NXNL2: variants seen among roughly 807,000 people sequenced by gnomAD.
NXNL2 encodes the protein nucleoredoxin-like protein 2.
In NXNL2, 7 loss-of-function variants were observed where a neutral mutation model predicts 11.1. The ratio of observed to expected loss-of-function variants is 0.63; its 90% confidence interval spans 0.36 to 1.18. The LOEUF is 1.18. Among genes scored for constraint, NXNL2 ranks in the 50% most tolerant of loss-of-function variants. The pLI is 0.02. For synonymous variants in NXNL2, 109 were observed against 101.8 expected (o/e 1.07, Z -0.42); for missense variants, 233 against 217.7 (o/e 1.07, Z -0.44).
chr9:88,573,407 G>A (rs1830303218), intron 2 of NXNL2, among the ~76,000 whole-genome samples: 1 of 152,208 alleles, frequency 6.6e-6, no homozygotes, highest in South Asian at 2.1e-4. Flanking sequence ...GCCTTCCAAA[G>A]TGCTGCGATT....
At chr9:88,563,759 G>T (rs947523298) in intron 1 of NXNL2, among the ~76,000 whole-genome samples, 10 of 152,132 alleles carry the variant, frequency 6.6e-5, no homozygotes, top group Non-Finnish European at 1.5e-4. Flanking sequence ...CTTGTGGCTG[G>T]CTAGGCGTTC....
At chr9:88,547,910 G>A (rs1350772251), downstream of NXNL2, among the ~76,000 whole-genome samples, 4 of 151,536 alleles carry the variant, frequency 2.6e-5, no homozygotes, top group South Asian at 2.1e-4. Context: ...CCAGCTACCC[G>A]GGAGGCTGAG....
At chr9:88,554,355 A>G (rs1829983864) in intron 1 of NXNL2, among the ~76,000 whole-genome samples, 1 of 152,114 alleles carries the variant, frequency 6.6e-6, no homozygotes, top group African/African-American at 2.4e-5. Context: ...ATAGGCGTGC[A>G]CCACCACAGC....
downstream of NXNL2, among the ~76,000 whole-genome samples, chr9:88,546,473 C>T (rs536247252): frequency 7.0e-5 from 10 of 142,598 alleles, no homozygotes; most frequent in East Asian, 6.4e-4. Flanking sequence ...TGGAGTGCAG[C>T]GGCACCATCT....
intron 1 of NXNL2, among the ~76,000 whole-genome samples, chr9:88,583,091 C>CA (rs1187992893): frequency 1.3e-5 from 2 of 152,116 alleles, no homozygotes; most frequent in Admixed American, 6.5e-5. Context: ...GGCAGCCAGG[C>CA]AGCTAGGACA....
chr9:88,535,770 C>T (rs2118379226), intron 1 of NXNL2, 34 bp downstream of exon 1: 1 of 1,502,260 alleles, frequency 6.7e-7, no homozygotes. Context: ...GGGGGCCGCC[C>T]GGCACGTCTC....
downstream of NXNL2, among the ~76,000 whole-genome samples, chr9:88,547,009 C>T (rs368467192): frequency 4.7e-4 from 72 of 152,270 alleles, 1 homozygote; most frequent in East Asian, 0.013. Flanking sequence ...CACTTGCCAC[C>T]CTGCGTGTGG....
At chr9:88,557,560 CT>C (rs1830034511) in intron 1 of NXNL2, among the ~76,000 whole-genome samples, 1 of 152,234 alleles carries the variant, frequency 6.6e-6, no homozygotes, top group Admixed American at 6.5e-5. Flanking sequence ...AATGACTTCC[CT>C]ATACCCTGTG....
intron 1 of NXNL2, among the ~76,000 whole-genome samples, chr9:88,543,738 A>C (rs909675105): frequency 6.6e-6 from 1 of 152,224 alleles, no homozygotes; most frequent in Non-Finnish European, 1.5e-5. Flanking sequence ...TTAAAATGAA[A>C]ACTTCAGTTC....
downstream of NXNL2, among the ~76,000 whole-genome samples, chr9:88,546,063 G>A (rs189343326): frequency 7.1e-4 from 108 of 152,122 alleles, no homozygotes; most frequent in Middle Eastern, 0.014. Flanking sequence ...CACCGTGCCC[G>A]GCCTAATTAT....
At chr9:88,535,846 C>A in intron 1 of NXNL2, 110 bp downstream of exon 1, 1 of 807,894 alleles carries the variant, frequency 1.2e-6, no homozygotes, top group Non-Finnish European at 1.9e-6. Flanking sequence ...CCCCCAACAC[C>A]TCCCCGTCTC....
intron 1 of NXNL2, among the ~76,000 whole-genome samples, chr9:88,549,977 A>G (rs1829905257): frequency 6.6e-6 from 1 of 152,154 alleles, no homozygotes; most frequent in African/African-American, 2.4e-5. Context: ...GGCATGGGCC[A>G]CCACGCCTGG....
At chr9:88,549,336 A>G (rs1387579562), downstream of NXNL2, among the ~76,000 whole-genome samples, 1 of 152,184 alleles carries the variant, frequency 6.6e-6, no homozygotes, top group African/African-American at 2.4e-5. Flanking sequence ...TCTCTCCTGC[A>G]TTGAGTTTCT....
rs79127280 is a variant in NXNL2, at chr9:88,560,240, G to C, written c.303-10847G>C. ...GATGTGGATGCATCTTTCTGCCAGC[G>C]GGAGGTTCTCCCCTGAGATCCTGTC... On this transcript the variant is annotated intron_variant, in intron 1 of 2. Transcript: ENST00000375855. Among the ~76,000 whole-genome samples the C allele has an allele frequency of 2.4e-3, 360 of 151,836 alleles. 2 individuals are homozygous for C. The East Asian group carries it at 0.025, about 11-fold the overall frequency.
At chr9:88,548,496 T>C (rs1225831306), downstream of NXNL2, among the ~76,000 whole-genome samples, 2 of 147,872 alleles carry the variant, frequency 1.4e-5, no homozygotes, top group African/African-American at 5.0e-5. Flanking sequence ...ACCCTGTCTC[T>C]AAAATGGTGA....
intron 1 of NXNL2, among the ~76,000 whole-genome samples, chr9:88,550,262 G>C (rs1414796210): frequency 6.6e-6 from 1 of 152,106 alleles, no homozygotes; most frequent in Non-Finnish European, 1.5e-5. Context: ...TCCAACAATG[G>C]GAGTTACAAT....
chr9:88,576,068 A>C (rs1321147194), downstream of NXNL2, among the ~76,000 whole-genome samples: 1 of 152,092 alleles, frequency 6.6e-6, no homozygotes, highest in Non-Finnish European at 1.5e-5. Flanking sequence ...GGTGGTGGGC[A>C]CCTGTAATCC....
chr9:88,576,045 A>T (rs1464472339), downstream of NXNL2, among the ~76,000 whole-genome samples: 4 of 152,024 alleles, frequency 2.6e-5, no homozygotes, highest in Non-Finnish European at 5.9e-5. Context: ...AATACAAAAG[A>T]TTAGTTGGGT....
chr9:88,578,991 A>G (rs1830379571), downstream of NXNL2, among the ~76,000 whole-genome samples: 1 of 152,206 alleles, frequency 6.6e-6, no homozygotes. Context: ...AGGAACTTGC[A>G]AAGGATGAAC....
Sources: gnomAD v4.1 joint callset for allele counts (sites outside exome capture counted in the v4.1 genomes callset) on GRCh38, gnomAD v4.1.1 for gene constraint, MANE v1.5 for transcripts, NCBI Gene and HGNC (gene_info 2026-07-23, HGNC 2026-07-21) for gene names.